Variants in TRIM3 observed in about 807,000 individuals in gnomAD.
The protein encoded by TRIM3 is tripartite motif-containing protein 3.
A neutral mutation model predicts 66.6 loss-of-function variants in TRIM3; 13 were observed. That is an observed-to-expected ratio of 0.20 (90% CI 0.13 to 0.31). TRIM3 has a LOEUF of 0.31. Ranked by LOEUF, TRIM3 falls within the 10% of genes least tolerant of loss-of-function variation. The pLI is 1.00. For missense variants in TRIM3, 711 were observed against 1,020.4 expected (o/e 0.70, Z 4.13); for synonymous variants, 406 against 411.7 (o/e 0.99, Z 0.17).
chr11:6,467,467 A>T (rs1046695674), intron 1 of TRIM3, among the ~76,000 whole-genome samples: 1 of 152,262 alleles, frequency 6.6e-6, no homozygotes, highest in African/African-American at 2.4e-5. Context: ...TATAACCGCC[A>T]TTAAGAATGT....
intron 1 of TRIM3, chr11:6,473,327 A>G (rs1334323220): frequency 8.7e-6 from 1 of 115,548 alleles, no homozygotes; most frequent in African/African-American, 3.3e-5. Context: ...CTCCATCCTG[A>G]CTGGTGGGCC....
chr11:6,473,379 G>A (rs1197750755), intron 1 of TRIM3: 1 of 139,646 alleles, frequency 7.2e-6, no homozygotes, highest in Non-Finnish European at 1.6e-5. Flanking sequence ...GTGGGGTAGG[G>A]TGGGGGTGGG....
rs1464464980 is a variant in TRIM3, at chr11:6,466,751, C to A, written c.-37-1019G>T. Among the ~76,000 whole-genome samples, 3 of 152,196 alleles carry A rather than the reference C, an allele frequency of 2.0e-5. No homozygotes were observed. The East Asian group carries it at 5.8e-4, about 29-fold the overall frequency. On this transcript the variant is annotated intron_variant, in intron 1 of 11. Transcript: ENST00000345851. ...CTTTCAGGTCCCCATATAAATGTCACCTCCTTTAGAAGACCTTCCATGACT... is the reference window on the plus strand; with the variant it reads ...CTTTCAGGTCCCCATATAAATGTCAACTCCTTTAGAAGACCTTCCATGACT...
At chr11:6,464,069 AC>A (rs1271809329) in intron 2 of TRIM3, among the ~76,000 whole-genome samples, 4 of 152,214 alleles carry the variant, frequency 2.6e-5, no homozygotes, top group African/African-American at 7.2e-5. Context: ...CCAAGACAGA[AC>A]AATGAGAGAT....
chr11:6,450,717 G>A lies in TRIM3; in HGVS notation c.1871-96C>T. The A allele has an allele frequency of 7.1e-7, 1 of 1,417,822 alleles. No individual in the cohort carries two copies. Among genetic ancestry groups the A allele is most frequent in the Non-Finnish European group, 9.9e-7 (1 of 1,006,674 alleles). The allele number at this position is 1,417,822 out of a possible 1,614,324, so 87.8% of individuals were successfully genotyped here. On this transcript the variant is annotated intron_variant, in intron 9 of 11. Coordinates refer to ENST00000345851, the MANE Select transcript of TRIM3 (RefSeq NM_033278.4). The surrounding 1 kb of genome is among the most constrained non-coding windows in gnomAD (Gnocchi z 4.8). The stretch of plus-strand genomic sequence containing the variant: ...AGATAAAAGCTAGGGTGTTAGGAGA[G>A]GGGTGGGGTCTCCAGGACTGAGACA...
In TRIM3 at chr11:6,453,877, C is replaced by T. The variant is rs1305424720; in HGVS notation, c.1533+2195G>A. 2.0e-5 allele frequency among the ~76,000 whole-genome samples: 3 copies of T among 152,142 alleles called. No individual in the cohort carries two copies. The East Asian group carries it at 5.8e-4, about 29-fold the overall frequency. ...ACTGAGAGGAGGAGGGGGATCAGAC[C>T]TCATCAGGGAGCCCAGCCCATGCCA... On this transcript the variant is annotated intron_variant, in intron 7 of 11. Transcript: ENST00000345851.
At chr11:6,455,141 C>T (rs963119958) in intron 7 of TRIM3, among the ~76,000 whole-genome samples, 24 of 152,280 alleles carry the variant, frequency 1.6e-4, no homozygotes, top group African/African-American at 5.1e-4. Flanking sequence ...CCTTTGTTTA[C>T]AGCCTCCACC....
At position 6,450,384 on chromosome 11, in the gene TRIM3, CT is replaced by C; in HGVS notation, c.1941+166del. 1 of 634,124 alleles carries C rather than the reference CT, an allele frequency of 1.6e-6. No homozygotes were observed. The highest frequency in any genetic ancestry group is 2.8e-6 in the Non-Finnish European group (1 of 355,640). The allele number at this position is 634,124 out of a possible 1,614,324, so 39.3% of individuals were successfully genotyped here. On this transcript the variant is annotated intron_variant, in intron 10 of 11. Coordinates refer to ENST00000345851, the MANE Select transcript of TRIM3 (RefSeq NM_033278.4). This position sits in a 1 kb window ranked among gnomAD's most constrained non-coding sequence, Gnocchi z 4.8. Reference sequence around the variant, plus strand: ...GCTTTGTGCATCACTGTATCTCCAGCTTCTAGCATACTGCCTGGGACAAAGC... The same window carrying C: ...GCTTTGTGCATCACTGTATCTCCAGCTCTAGCATACTGCCTGGGACAAAGC...
intron 2 of TRIM3, among the ~76,000 whole-genome samples, chr11:6,462,127 C>A (rs577379584): frequency 6.6e-6 from 1 of 152,208 alleles, no homozygotes; most frequent in South Asian, 2.1e-4. Flanking sequence ...TCAAATGTCA[C>A]CTCCTCAGGG....
chr11:6,450,740 A>G lies in TRIM3; in HGVS notation c.1871-119T>C, dbSNP rs1849687366. Reference sequence around the variant, plus strand: ...GAGGGGTGGGGTCTCCAGGACTGAGACAAATTATTTCTGAGATGATAGGGC... The same window carrying G: ...GAGGGGTGGGGTCTCCAGGACTGAGGCAAATTATTTCTGAGATGATAGGGC... On this transcript the variant is annotated intron_variant, in intron 9 of 11. Coordinates refer to ENST00000345851, the MANE Select transcript of TRIM3 (RefSeq NM_033278.4). This position sits in a 1 kb window ranked among gnomAD's most constrained non-coding sequence, Gnocchi z 4.8. 2 of 1,428,202 alleles carry G rather than the reference A, an allele frequency of 1.4e-6. No homozygotes were observed. Among genetic ancestry groups the G allele is most frequent in the Admixed American group, 1.7e-5 (1 of 57,434 alleles). 88.5% of individuals were successfully genotyped at this position (1,428,202 alleles called of 1,614,324 possible).
intron 2 of TRIM3, among the ~76,000 whole-genome samples, chr11:6,462,546 T>A (rs939953107): frequency 6.6e-6 from 1 of 152,074 alleles, no homozygotes; most frequent in Non-Finnish European, 1.5e-5. Context: ...TAGCTAGAAC[T>A]ACAGGTGCAT....
intron 1 of TRIM3, among the ~76,000 whole-genome samples, chr11:6,471,582 T>TA (rs756177459): frequency 3.3e-5 from 5 of 152,148 alleles, no homozygotes; most frequent in East Asian, 1.9e-4. Context: ...AGCTGTGAAA[T>TA]AGAGACACAA....
At chr11:6,461,488 A>G (rs1354155559) in intron 2 of TRIM3, among the ~76,000 whole-genome samples, 1 of 65,884 alleles carries the variant, frequency 1.5e-5, no homozygotes, top group African/African-American at 6.2e-5. Flanking sequence ...CCCCCGCACC[A>G]CTCTGCCATC....
chr11:6,464,656 C>T (rs1215343115), intron 2 of TRIM3, among the ~76,000 whole-genome samples: 1 of 152,142 alleles, frequency 6.6e-6, no homozygotes. Context: ...AACAATGTAT[C>T]ACATGTTCCC....
chr11:6,454,023 G>A (rs942832583), intron 7 of TRIM3, among the ~76,000 whole-genome samples: 6 of 152,154 alleles, frequency 3.9e-5, no homozygotes, highest in Admixed American at 2.6e-4. Context: ...TGCTATAGAA[G>A]TAGCAGGTGT....
intron 1 of TRIM3, among the ~76,000 whole-genome samples, chr11:6,471,494 C>A (rs1361546667): frequency 6.6e-6 from 1 of 152,188 alleles, no homozygotes; most frequent in Non-Finnish European, 1.5e-5. Context: ...GGCCATCTCC[C>A]CCAACATTGC....
Position 6,449,524 on chromosome 11 carries a change from C to T in TRIM3, c.1942-78G>A. 6.9e-7 allele frequency: 1 copy of T among 1,442,566 alleles called. No individual in the cohort carries two copies. Among genetic ancestry groups the T allele is most frequent in the South Asian group, 1.4e-5 (1 of 72,828 alleles). The allele number at this position is 1,442,566 out of a possible 1,614,324, so 89.4% of individuals were successfully genotyped here. On this transcript the variant is annotated intron_variant, in intron 10 of 11. Coordinates refer to ENST00000345851, the MANE Select transcript of TRIM3 (RefSeq NM_033278.4). The surrounding 1 kb of genome is among the most constrained non-coding windows in gnomAD (Gnocchi z 5.3). ...GGCTTTGGAGGAGGATAGGGTGAAGCCCCAGGGCTGAGAACCCCCACCCAG... is the reference window on the plus strand; with the variant it reads ...GGCTTTGGAGGAGGATAGGGTGAAGTCCCAGGGCTGAGAACCCCCACCCAG...
At chr11:6,461,842 CATT>C (rs2134202248) in intron 2 of TRIM3, among the ~76,000 whole-genome samples, 1 of 152,224 alleles carries the variant, frequency 6.6e-6, no homozygotes, top group Non-Finnish European at 1.5e-5. Context: ...TTTTACATTA[CATT>C]ATTTCCCTGT....
chr11:6,472,685 T>C (rs1311522027), intron 1 of TRIM3, among the ~76,000 whole-genome samples: 2 of 152,294 alleles, frequency 1.3e-5, no homozygotes, highest in East Asian at 3.9e-4. Context: ...ATCTCTGCAG[T>C]TCCCTTTCAT....
Sources: allele counts gnomAD v4.1 joint callset (sites outside exome capture counted in the v4.1 genomes callset), GRCh38; gene constraint gnomAD v4.1.1; non-coding constraint Gnocchi (gnomAD v3.1); transcripts MANE v1.5; gene names NCBI Gene and HGNC (gene_info 2026-07-23, HGNC 2026-07-21).